ZC3H4: variants seen among roughly 807,000 people sequenced by gnomAD.
The protein encoded by ZC3H4 is zinc finger CCCH-type containing 4.
ZC3H4 carries 13 observed loss-of-function variants against 108.3 expected under a neutral mutation model. The observed-to-expected ratio is 0.12, with a 90% CI of 0.08 to 0.19. The LOEUF (loss-of-function observed/expected upper bound fraction) is 0.19, where lower values mean the gene tolerates loss of function less well. Ranked by LOEUF, ZC3H4 falls within the 10% of genes least tolerant of loss-of-function variation. The pLI is 1.00. For synonymous variants in ZC3H4, 917 were observed against 749.6 expected, an observed-to-expected ratio of 1.22 and a Z score of -3.65; for missense variants, 1,734 against 1,838.8, an observed-to-expected ratio of 0.94 and a Z score of 1.04.
At chr19:47,111,293 A>G (rs2058035664) in intron 2 of ZC3H4, among the ~76,000 whole-genome samples, 1 of 152,072 alleles carries the variant, frequency 6.6e-6, no homozygotes, top group Non-Finnish European at 1.5e-5. Flanking sequence ...CGGGGCCCCA[A>G]CCTCGCCCTG....
intron 8 of ZC3H4, 44 bp from the exon 9 acceptor site, chr19:47,084,499 G>A: frequency 1.3e-6 from 2 of 1,593,466 alleles, no homozygotes; most frequent in Non-Finnish European, 1.7e-6. Flanking sequence ...TGAAAGGGAA[G>A]GGTAGAGATG....
intron 2 of ZC3H4, chr19:47,111,093 G>T: frequency 6.0e-6 from 1 of 167,926 alleles, no homozygotes; most frequent in Non-Finnish European, 1.2e-5. Flanking sequence ...GGCTGCGACG[G>T]AGTAGCCATC....
At chr19:47,103,596 C>G (rs1306806952) in intron 2 of ZC3H4, among the ~76,000 whole-genome samples, 3 of 151,822 alleles carry the variant, frequency 2.0e-5, no homozygotes, top group Non-Finnish European at 4.4e-5. Flanking sequence ...CCAGCCTGGC[C>G]AACATGGTAA....
chr19:47,107,105 C>T (rs1483267182), intron 2 of ZC3H4, among the ~76,000 whole-genome samples: 2 of 152,196 alleles, frequency 1.3e-5, no homozygotes, highest in South Asian at 4.1e-4. Context: ...TAAAAAGACA[C>T]TGAGCAAGCA....
At position 47,084,953 on chromosome 19, in the gene ZC3H4, C is replaced by T. The variant is rs74654499; in HGVS notation, c.1107+103G>A. 6,643 of 1,505,046 alleles carry T rather than the reference C, an allele frequency of 4.4e-3. 135 individuals are homozygous for T. The highest frequency in any genetic ancestry group is 0.037 in the African/African-American group (2,672 of 73,124). 93.2% of individuals were successfully genotyped at this position (1,505,046 alleles called of 1,614,324 possible). ...CACTGGCCAGCCCTTTGGGGGGTGGCTGATGGCAGCAAGGATCAGCTTCAC... is the reference window on the plus strand; with the variant it reads ...CACTGGCCAGCCCTTTGGGGGGTGGTTGATGGCAGCAAGGATCAGCTTCAC... On this transcript the variant is annotated intron_variant, in intron 8 of 14. Coordinates refer to ENST00000253048, the MANE Select transcript of ZC3H4 (RefSeq NM_015168.2).
At chr19:47,075,102 T>G (rs574374239) in intron 11 of ZC3H4, among the ~76,000 whole-genome samples, 2 of 152,172 alleles carry the variant, frequency 1.3e-5, no homozygotes, top group South Asian at 4.1e-4. Context: ...TCCTAGCCAT[T>G]AGCAATGGTA....
At chr19:47,069,461 G>GC in intron 13 of ZC3H4, 118 bp from the exon 14 acceptor site, 1 of 1,280,870 alleles carries the variant, frequency 7.8e-7, no homozygotes, top group Non-Finnish European at 1.1e-6. Flanking sequence ...CGCACAGCCT[G>GC]CCCCTGCCTG....
At chr19:47,084,266 G>T in intron 9 of ZC3H4, 79 bp downstream of exon 9, 1 of 1,390,602 alleles carries the variant, frequency 7.2e-7, no homozygotes, top group Non-Finnish European at 1.0e-6. Context: ...CCTCACCACG[G>T]CTCCAGAACC....
At chr19:47,082,054 TG>T in intron 10 of ZC3H4, 129 bp downstream of exon 10, 1 of 801,190 alleles carries the variant, frequency 1.2e-6, no homozygotes, top group Non-Finnish European at 2.1e-6. Context: ...TTAAATGAGA[TG>T]GAGACTCACA....
Position 47,082,094 on chromosome 19 carries a change from A to C in ZC3H4, c.1330+90T>G. On this transcript the variant is annotated intron_variant, in intron 10 of 14. Coordinates refer to ENST00000253048, the MANE Select transcript of ZC3H4 (RefSeq NM_015168.2). ...AGCTCTTGGCACAGAGAGAAAGCAC[A>C]GAGAAGGAAGATTGGCTGTTACTAC... 7.2e-6 allele frequency: 8 copies of C among 1,104,106 alleles called. No homozygotes were observed. In the Admixed American group the frequency reaches 1.4e-4, roughly 19 times the overall value. 68.4% of individuals were successfully genotyped at this position (1,104,106 alleles called of 1,614,324 possible).
chr19:47,071,781 C>T lies in ZC3H4; in HGVS notation c.2143G>A (p.Ala715Thr), dbSNP rs2057329799. Reference protein sequence around the residue: ...MEMEPGLLGDAEDYGHYEELP... With the variant: ...MEMEPGLLGDTEDYGHYEELP... ...CCACACCTGGAGTCCCGCATACCTGCATCCCCCAGGAGTCCGGGCTCCATC... is the reference window on the plus strand; with the variant it reads ...CCACACCTGGAGTCCCGCATACCTGTATCCCCCAGGAGTCCGGGCTCCATC... The change falls in exon 13 of 15, where the codon GCA (alanine) becomes ACA (threonine). Residue 715 changes from alanine (A) to threonine (T), a missense_variant. By Grantham distance (58) the Ala-to-Thr change is moderately conservative. Coordinates refer to ENST00000253048, the MANE Select transcript of ZC3H4 (RefSeq NM_015168.2). 5 of 1,605,492 alleles carry T rather than the reference C, an allele frequency of 3.1e-6. No homozygotes were observed. In the African/African-American group the frequency reaches 4.0e-5, roughly 13 times the overall value.
intron 9 of ZC3H4, among the ~76,000 whole-genome samples, chr19:47,083,550 C>T (rs1211008710): frequency 6.6e-6 from 1 of 151,956 alleles, no homozygotes; most frequent in South Asian, 2.1e-4. Context: ...ACTAAAAATA[C>T]AAAAATTAGC....
intron 11 of ZC3H4, among the ~76,000 whole-genome samples, chr19:47,073,819 G>A (rs1284027746): frequency 1.3e-5 from 2 of 152,168 alleles, no homozygotes; most frequent in African/African-American, 2.4e-5. Flanking sequence ...TGCGATGGGC[G>A]CTTTCACTTA....
Position 47,094,617 on chromosome 19 carries a change from A to C in ZC3H4, c.162-9T>G, listed in dbSNP as rs761227024. ...CCAACTCTCCATCTTCCCTACAAAC[A>C]AACCCCAATCCCACCATGAACACAG... On this transcript the variant is annotated splice_polypyrimidine_tract_variant and intron_variant, in intron 2 of 14. Coordinates refer to ENST00000253048, the MANE Select transcript of ZC3H4 (RefSeq NM_015168.2). 6 of 1,613,780 alleles carry C rather than the reference A, an allele frequency of 3.7e-6. No homozygotes were observed. The highest frequency in any genetic ancestry group is 1.7e-5 in the Admixed American group (1 of 59,982).
intron 4 of ZC3H4, 132 bp from the exon 5 acceptor site, chr19:47,090,321 G>C (rs1464320218): frequency 2.1e-6 from 2 of 962,436 alleles, no homozygotes; most frequent in African/African-American, 3.3e-5. Flanking sequence ...TTGCACTGCT[G>C]GTCTCCAGCC....
chr19:47,077,789 G>A lies in ZC3H4; in HGVS notation c.1440+3724C>T, dbSNP rs1038946209. 5.3e-5 allele frequency among the ~76,000 whole-genome samples: 8 copies of A among 151,732 alleles called. 1 individual carries two copies. Among genetic ancestry groups the A allele is most frequent in the South Asian group, 4.2e-4 (2 of 4,814 alleles). The stretch of plus-strand genomic sequence containing the variant: ...GGAGAATCGCTTGAACCTGGGAGGC[G>A]GAGGTCGTGGTGAGCCAAGATCGCG... On this transcript the variant is annotated intron_variant, in intron 11 of 14. Coordinates refer to ENST00000253048, the MANE Select transcript of ZC3H4 (RefSeq NM_015168.2).
chr19:47,075,945 T>C (rs2057410497), intron 11 of ZC3H4, among the ~76,000 whole-genome samples: 1 of 152,156 alleles, frequency 6.6e-6, no homozygotes, highest in South Asian at 2.1e-4. Flanking sequence ...AGACACCAGC[T>C]GAGACAACTA....
rs1404810604 is a variant in ZC3H4, at chr19:47,082,250, G to C, written c.1264C>G (p.Arg422Gly). ...FSHDIELPKK[R>G]ELCKFYITGF... ...GTGATGTAAAACTTGCACAGTTCTCGCTTCTTTGGGAGTTCGATGTCATGG... is the reference window on the plus strand; with the variant it reads ...GTGATGTAAAACTTGCACAGTTCTCCCTTCTTTGGGAGTTCGATGTCATGG... Residue 422 changes from arginine to glycine, a missense_variant, in exon 10 of 15, where the codon CGA (arginine) becomes GGA (glycine). Arg to Gly is a moderately radical substitution (Grantham distance 125, BLOSUM62 -2). Around this residue, in one of 9 missense-constraint regions of ZC3H4, gnomAD observed 66 missense variants for 166.8 expected, o/e 0.40. Transcript: ENST00000253048. 1 of 1,613,902 alleles carries C rather than the reference G, an allele frequency of 6.2e-7. No individual in the cohort carries two copies. Among genetic ancestry groups the C allele is most frequent in the East Asian group, 2.2e-5 (1 of 44,900 alleles).
At position 47,066,316 on chromosome 19, in the gene ZC3H4, C is replaced by A; in HGVS notation, c.*40G>T. 2 of 1,466,904 alleles carry A rather than the reference C, an allele frequency of 1.4e-6. No homozygotes were observed. Among genetic ancestry groups the A allele is most frequent in the South Asian group, 1.4e-5 (1 of 70,492 alleles). The allele number at this position is 1,466,904 out of a possible 1,614,324, so 90.9% of individuals were successfully genotyped here. Reference sequence around the variant, plus strand: ...ACCCTGGGTGCTGCCCTGAATGCCACCCTAGGAAGGGTGGCTGGAGCCGCA... The same window carrying A: ...ACCCTGGGTGCTGCCCTGAATGCCAACCTAGGAAGGGTGGCTGGAGCCGCA... On this transcript the variant is annotated 3_prime_UTR_variant, in exon 15 of 15. Transcript: ENST00000253048.
Sources: gnomAD v4.1 joint callset for allele counts (sites outside exome capture counted in the v4.1 genomes callset) on GRCh38, gnomAD v4.1.1 for gene constraint, gnomAD v4.1.1 regional missense constraint, MANE v1.5 for transcripts, NCBI Gene and HGNC (gene_info 2026-07-23, HGNC 2026-07-21) for gene names.